NYAP2: variants seen among roughly 807,000 people sequenced by gnomAD.
The protein encoded by NYAP2 is neuronal tyrosine-phosphorylated phosphoinositide-3-kinase adaptor 2, also known as neuronal tyrosine-phosphorylated phosphoinositide-3-kinase adapter 2.
A neutral mutation model predicts 50.4 loss-of-function variants in NYAP2; 23 were observed. The ratio of observed to expected loss-of-function variants is 0.46; its 90% CI spans 0.33 to 0.65. NYAP2 has a LOEUF of 0.65. NYAP2 is among the 30% of genes least tolerant of loss of function. The probability of loss-of-function intolerance (pLI) is 0.02; values close to 1 mark genes in which losing one functional copy is unlikely to be tolerated. For missense variants in NYAP2, 885 were observed against 861.0 expected (o/e 1.03, Z -0.35); for synonymous variants, 394 against 365.2 (o/e 1.08, Z -0.90).
chr2:225,636,276 G>T (rs1016496301), intron 6 of NYAP2, among the ~76,000 whole-genome samples: 1 of 152,162 alleles, frequency 6.6e-6, no homozygotes, highest in Admixed American at 6.6e-5. Flanking sequence ...GTTTCCTGCA[G>T]CTCACTCAGG....
chr2:225,442,986 A>G (rs779858595), intron 3 of NYAP2, among the ~76,000 whole-genome samples: 1 of 152,188 alleles, frequency 6.6e-6, no homozygotes, highest in Non-Finnish European at 1.5e-5. Context: ...GGCAGGAAAG[A>G]GAGAGTGTGC....
chr2:225,565,362 T>C (rs1465597125), intron 4 of NYAP2, among the ~76,000 whole-genome samples: 1 of 151,918 alleles, frequency 6.6e-6, no homozygotes, highest in Admixed American at 6.6e-5. Context: ...TTGCTTTTTT[T>C]GTTCAAAGTA....
chr2:225,497,706 T>G (rs1690532792), intron 3 of NYAP2, among the ~76,000 whole-genome samples: 1 of 152,178 alleles, frequency 6.6e-6, no homozygotes. Context: ...AATTCTCTAG[T>G]GGTCACACAA....
At position 225,552,958 on chromosome 2, in the gene NYAP2, T is replaced by C. The variant is rs142739959; in HGVS notation, c.524-28983T>C. Among the ~76,000 whole-genome samples, 636 of 152,346 alleles carry C rather than the reference T, an allele frequency of 4.2e-3. 2 individuals carry two copies. Among genetic ancestry groups the C allele is most frequent in the Non-Finnish European group, 6.8e-3 (466 of 68,030 alleles). Reference sequence around the variant, plus strand: ...GCCTCGGCCTCCCAAAGTGCTAAGATTACAGGCGTGAGCCACCACCGTGCC... The same window carrying C: ...GCCTCGGCCTCCCAAAGTGCTAAGACTACAGGCGTGAGCCACCACCGTGCC... On this transcript the variant is annotated intron_variant, in intron 4 of 6. Coordinates refer to ENST00000636099, the Ensembl canonical transcript of NYAP2.
At chr2:225,458,065 A>G (rs930526200) in intron 3 of NYAP2, among the ~76,000 whole-genome samples, 3 of 152,196 alleles carry the variant, frequency 2.0e-5, no homozygotes, top group African/African-American at 7.2e-5. Flanking sequence ...CTTAAGAAAA[A>G]AAAACGATAC....
chr2:225,526,852 T>A (rs746754019), intron 4 of NYAP2, among the ~76,000 whole-genome samples: 6 of 152,186 alleles, frequency 3.9e-5, no homozygotes, highest in Non-Finnish European at 7.4e-5. Context: ...TAGGAGATTA[T>A]AACTGAAGGC....
the NYAP2 span, among the ~76,000 whole-genome samples, chr2:225,674,493 T>C: frequency 6.6e-6 from 1 of 152,022 alleles, no homozygotes; most frequent in African/African-American, 2.4e-5. Flanking sequence ...CTTTGACTTG[T>C]GAGTATGTGA....
chr2:225,399,645 C>T (rs1694824411), upstream of NYAP2: 1 of 151,940 alleles, frequency 6.6e-6, no homozygotes, highest in Non-Finnish European at 1.5e-5. Flanking sequence ...TGGCATGAAG[C>T]TGTTTTGATG....
chr2:225,556,263 A>G (rs759817748), intron 4 of NYAP2, among the ~76,000 whole-genome samples: 3 of 152,186 alleles, frequency 2.0e-5, no homozygotes, highest in African/African-American at 4.8e-5. Context: ...TCCTGCACAT[A>G]TACGATATAC....
intron 4 of NYAP2, among the ~76,000 whole-genome samples, chr2:225,570,063 C>T (rs968241098): frequency 2.0e-5 from 3 of 152,204 alleles, no homozygotes; most frequent in Non-Finnish European, 2.9e-5. Flanking sequence ...GTCTAATGGA[C>T]ATCCCATGTC....
At chr2:225,676,977 A>G in the NYAP2 span, among the ~76,000 whole-genome samples, 1 of 152,154 alleles carries the variant, frequency 6.6e-6, no homozygotes, top group East Asian at 1.9e-4. Flanking sequence ...ATAGTATTGA[A>G]TGTGTAAGTT....
chr2:225,414,663 G>C (rs928820878), intron 3 of NYAP2, among the ~76,000 whole-genome samples: 5 of 151,980 alleles, frequency 3.3e-5, no homozygotes, highest in African/African-American at 4.8e-5. Flanking sequence ...CGGTACCTGG[G>C]TGTATCTGTG....
intron 6 of NYAP2, among the ~76,000 whole-genome samples, chr2:225,628,315 G>GTTTTTTTTTTTTTTTTTTT (rs543647777): frequency 9.1e-6 from 1 of 109,418 alleles, no homozygotes; most frequent in African/African-American, 3.4e-5. Context: ...AGAACACATA[G>GTTTTTTTTTTTTTTTTTTT]TTTTTTTTTT....
chr2:225,466,430 G>T (rs1689919670), intron 3 of NYAP2, among the ~76,000 whole-genome samples: 1 of 152,060 alleles, frequency 6.6e-6, no homozygotes, highest in Admixed American at 6.6e-5. Context: ...TTAATAGAAA[G>T]GTGGAAAAAT....
intron 3 of NYAP2, among the ~76,000 whole-genome samples, chr2:225,479,914 A>T (rs1690177831): frequency 6.6e-6 from 1 of 152,012 alleles, no homozygotes; most frequent in East Asian, 1.9e-4. Flanking sequence ...GCACCTCCAT[A>T]TTCCTCTCTT....
chr2:225,440,231 TG>T (rs1393100749), intron 3 of NYAP2, among the ~76,000 whole-genome samples: 3 of 152,196 alleles, frequency 2.0e-5, no homozygotes, highest in African/African-American at 7.2e-5. Context: ...TTTGCAGGCA[TG>T]GAGATGCTAA....
At chr2:225,671,569 C>T in the NYAP2 span, among the ~76,000 whole-genome samples, 1 of 152,256 alleles carries the variant, frequency 6.6e-6, no homozygotes, top group Non-Finnish European at 1.5e-5. Context: ...AGATCAACTT[C>T]TTCCAAATTC....
In NYAP2 at chr2:225,582,581, C is replaced by G; in HGVS notation, c.1164C>G (p.Pro388=). 1.3e-6 allele frequency: 2 copies of G among 1,598,344 alleles called. No homozygotes were observed. The highest frequency in any genetic ancestry group is 1.7e-6 in the Non-Finnish European group (2 of 1,172,930). Residue 388 remains proline, a synonymous_variant, in exon 5 of 7, where the codon CCC becomes CCG. Transcript: ENST00000636099. The surrounding 1 kb of genome is among the most constrained non-coding windows in gnomAD (Gnocchi z 7.0). ...CCTCCACGCTGCCGTCCCACGTCCC[C>G]GGCCATGCGAAACTGGAGAAAGAGC...
chr2:225,474,757 CA>C (rs1690075243), intron 3 of NYAP2, among the ~76,000 whole-genome samples: 1 of 152,240 alleles, frequency 6.6e-6, no homozygotes, highest in African/African-American at 2.4e-5. Flanking sequence ...CATCTGCAAA[CA>C]AGGACAATTT....
Sources: gnomAD v4.1 joint callset for allele counts (sites outside exome capture counted in the v4.1 genomes callset) on GRCh38, gnomAD v4.1.1 for gene constraint, Gnocchi (gnomAD v3.1) non-coding constraint, MANE v1.5 for transcripts, NCBI Gene and HGNC (gene_info 2026-07-23, HGNC 2026-07-21) for gene names.